The following WDR47 variants were observed in gnomAD, a reference collection of about 807,000 sequenced individuals.
WDR47 encodes the protein WD repeat domain 47.
In WDR47, 32 loss-of-function variants were observed where a neutral mutation model predicts 97.2. The observed-to-expected ratio is 0.33, with a 90% confidence interval of 0.25 to 0.44. WDR47 has a LOEUF of 0.44. Ranked by LOEUF, WDR47 falls within the 20% of genes least tolerant of loss-of-function variation. The pLI is 1.00. For synonymous variants in WDR47, 375 were observed against 373.5 expected (o/e 1.00, Z -0.05); for missense variants, 782 against 1,102.3 (o/e 0.71, Z 4.11).
Position 108,981,763 on chromosome 1 carries a change from G to C in WDR47, c.2368C>G (p.Arg790Gly). The C allele has an allele frequency of 6.2e-7, 1 of 1,613,018 alleles. No individual in the cohort carries two copies. The highest frequency in any genetic ancestry group is 1.7e-5 in the Admixed American group (1 of 59,918). ...FWDLRVPSCVRVVGTTFHGTG... is the reference protein window; with the variant it reads ...FWDLRVPSCVGVVGTTFHGTG... The stretch of plus-strand genomic sequence containing the variant: ...CCATGAAATGTTGTGCCAACAACAC[G>C]AACACAACTTGGTACTCGAAGATCC... Residue 790 changes from arginine to glycine, a missense_variant, in exon 13 of 15, where the codon CGT becomes GGT. Arg to Gly is a moderately radical substitution (Grantham distance 125). Transcript: ENST00000369962.
At chr1:109,029,357 T>C (rs1249352420) in intron 1 of WDR47, among the ~76,000 whole-genome samples, 1 of 152,002 alleles carries the variant, frequency 6.6e-6, no homozygotes, top group South Asian at 2.1e-4. Flanking sequence ...ACCCCGTCTC[T>C]ACTAAAAATA....
intron 1 of WDR47, among the ~76,000 whole-genome samples, chr1:109,028,650 A>G (rs1041175526): frequency 4.1e-5 from 6 of 146,228 alleles, no homozygotes; most frequent in African/African-American, 1.5e-4. Flanking sequence ...GTGGGGTTTC[A>G]CCATGTTGGC....
rs759953487 is a variant in WDR47 at position 108,995,640 on chromosome 1, C to T, written c.1631G>A (p.Arg544His). The T allele has an allele frequency of 3.7e-6, 6 of 1,614,066 alleles. No individual in the cohort carries two copies. Among genetic ancestry groups the T allele is most frequent in the African/African-American group, 1.3e-5 (1 of 75,020 alleles). Residue 544 changes from arginine to histidine, a missense_variant, in exon 8 of 15, where the codon CGT becomes CAT. Arg to His is a conservative substitution (Grantham distance 29). This residue lies in a region of WDR47 where 126 missense variants were observed against 121.3 expected (regional missense o/e 1.04). Coordinates refer to ENST00000369962, the MANE Select transcript of WDR47 (RefSeq NM_001142551.2). ...DASNIHTSTPRNPGSTNHIPF... is the reference protein window; with the variant it reads ...DASNIHTSTPHNPGSTNHIPF... ...TATGTGATTTGTTGATCCAGGATTA[C>T]GAGGAGTGCTTGTATGAATATTTGA...
In WDR47 at chr1:109,041,892, G is replaced by T. The variant is rs1298044060; in HGVS notation, c.-40C>A. 6.6e-6 allele frequency: 1 copy of T among 152,444 alleles called. No homozygotes were observed. The highest frequency in any genetic ancestry group is 1.5e-5 in the Non-Finnish European group (1 of 68,216). The allele number at this position is 152,444 out of a possible 1,614,324, so 9.4% of individuals were successfully genotyped here. ...GGCTCCAGGGCAAGCCCGGAGGAGC[G>T]GCGGAGGAGAACGCGGCTGGGAGGC... On this transcript the variant is annotated 5_prime_UTR_variant, in exon 1 of 15. Transcript: ENST00000369962.
intron 6 of WDR47, among the ~76,000 whole-genome samples, chr1:109,004,133 C>T (rs978124234): frequency 1.3e-5 from 2 of 151,802 alleles, no homozygotes; most frequent in African/African-American, 2.4e-5. Context: ...GGTGTGGTGG[C>T]GGGCGCCTGT....
chr1:108,973,999 G>A (rs1488218901), intron 14 of WDR47, among the ~76,000 whole-genome samples: 2 of 152,172 alleles, frequency 1.3e-5, no homozygotes, highest in Non-Finnish European at 2.9e-5. Context: ...TTTGAGACCA[G>A]CCTGCGCAAC....
chr1:109,041,023 G>T (rs1290889373), intron 1 of WDR47, among the ~76,000 whole-genome samples: 1 of 148,222 alleles, frequency 6.7e-6, no homozygotes. Flanking sequence ...AAAAAAAAAC[G>T]GTCCCCTCAG....
chr1:108,993,690 G>C (rs749410798), intron 8 of WDR47, among the ~76,000 whole-genome samples: 6 of 152,174 alleles, frequency 3.9e-5, no homozygotes, highest in Non-Finnish European at 5.9e-5. Flanking sequence ...AGTGAAGCAG[G>C]AGTGATCCTG....
At chr1:108,975,170 G>C (rs1041954794) in intron 13 of WDR47, among the ~76,000 whole-genome samples, 2 of 152,002 alleles carry the variant, frequency 1.3e-5, no homozygotes, top group Admixed American at 1.3e-4. Flanking sequence ...AACAGTATAG[G>C]AAATGTACTA....
chr1:109,031,023 C>A (rs1339466421), intron 1 of WDR47, among the ~76,000 whole-genome samples: 1 of 139,644 alleles, frequency 7.2e-6, no homozygotes, highest in East Asian at 2.1e-4. Flanking sequence ...AGTACATATT[C>A]TTGGGAAACA....
chr1:108,993,315 G>A (rs1166009748), intron 8 of WDR47, among the ~76,000 whole-genome samples: 2 of 147,810 alleles, frequency 1.4e-5, no homozygotes, highest in East Asian at 2.0e-4. Context: ...GCCAAAGTGA[G>A]ACACTGTCTC....
chr1:109,002,792 T>TA (rs1660314999), intron 6 of WDR47, among the ~76,000 whole-genome samples: 1 of 152,158 alleles, frequency 6.6e-6, no homozygotes, highest in South Asian at 2.1e-4. Flanking sequence ...CATAATGAGA[T>TA]ACCAACTTAC....
At chr1:108,983,532 T>C in intron 10 of WDR47, 81 bp from the exon 11 acceptor site, 1 of 1,205,724 alleles carries the variant, frequency 8.3e-7, no homozygotes, top group Non-Finnish European at 1.1e-6. Context: ...ATACTTGTTC[T>C]TGAAGGAAGG....
At chr1:109,026,998 C>T (rs981649386) in intron 1 of WDR47, among the ~76,000 whole-genome samples, 6 of 151,752 alleles carry the variant, frequency 4.0e-5, no homozygotes, top group Non-Finnish European at 8.8e-5. Flanking sequence ...TAAAAAAAGA[C>T]AAGTTTTAAT....
In WDR47 at chr1:108,970,222, G is replaced by A. The variant is rs753363910; in HGVS notation, c.*1208C>T. On this transcript the variant is annotated 3_prime_UTR_variant, in exon 15 of 15. Transcript: ENST00000369962. ...CTGAGGAACAGAAACAGTTTTAAAT[G>A]TCAAGAGGTCTTTATTGAAATAATA... is the stretch of plus-strand genomic sequence containing the variant. 6.6e-6 allele frequency: 1 copy of A among 152,588 alleles called. No homozygotes were observed. The highest frequency in any genetic ancestry group is 1.5e-5 in the Non-Finnish European group (1 of 68,026). 9.5% of individuals were successfully genotyped at this position (152,588 alleles called of 1,614,324 possible).
intron 13 of WDR47, 80 bp from the exon 14 acceptor site, chr1:108,974,834 C>A: frequency 9.6e-7 from 1 of 1,043,576 alleles, no homozygotes; most frequent in South Asian, 1.4e-5. Context: ...GTCCATTGAA[C>A]CATATACTAA....
At position 108,974,762 on chromosome 1, in the gene WDR47, G is replaced by C; in HGVS notation, c.2399-8C>G. The C allele has an allele frequency of 2.5e-6, 4 of 1,596,486 alleles. No individual in the cohort carries two copies. The highest frequency in any genetic ancestry group is 3.4e-6 in the Non-Finnish European group (4 of 1,170,190). On this transcript the variant is annotated splice_region_variant and splice_polypyrimidine_tract_variant and intron_variant, in intron 13 of 14. Coordinates refer to ENST00000369962, the MANE Select transcript of WDR47 (RefSeq NM_001142551.2). ...CAGATGCCACTGCACTGCCTGTAGT[G>C]GTAGGAATGAAAGTTTAAATACAGA...
chr1:109,003,074 T>C (rs1571196422), intron 6 of WDR47, among the ~76,000 whole-genome samples: 1 of 152,304 alleles, frequency 6.6e-6, no homozygotes, highest in East Asian at 1.9e-4. Context: ...CCCTAACATA[T>C]AGTACTAAAA....
Position 109,021,200 on chromosome 1 carries a change from A to C in WDR47, c.158+2155T>G, listed in dbSNP as rs150047761. Reference sequence around the variant, plus strand: ...CACTTTGCCTTGCAATTCCACCTCTAAGAATCTTGTCCTAAGGAAATAATC... The same window carrying C: ...CACTTTGCCTTGCAATTCCACCTCTCAGAATCTTGTCCTAAGGAAATAATC... On this transcript the variant is annotated intron_variant, in intron 2 of 14. Transcript: ENST00000369962. Among the ~76,000 whole-genome samples, 17 of 152,262 alleles carry C rather than the reference A, an allele frequency of 1.1e-4. 1 individual carries two copies. In the East Asian group the frequency reaches 3.1e-3, roughly 28 times the overall value.
Sources: allele counts gnomAD v4.1 joint callset (sites outside exome capture counted in the v4.1 genomes callset), GRCh38; gene constraint gnomAD v4.1.1; regional missense constraint gnomAD v4.1.1; transcripts MANE v1.5; gene names NCBI Gene and HGNC (gene_info 2026-07-23, HGNC 2026-07-21).